Variants in EIF2S1 observed in about 807,000 individuals in gnomAD.
EIF2S1 encodes eukaryotic translation initiation factor 2 subunit 1.
Under a neutral mutation model 33.5 loss-of-function variants are expected in EIF2S1, and 5 were observed. The observed-to-expected ratio is 0.15, with a 90% CI of 0.08 to 0.31. The LOEUF is 0.31. Ranked by LOEUF, EIF2S1 falls within the 10% of genes least tolerant of loss-of-function variation. The pLI is 1.00. For synonymous variants in EIF2S1, 99 were observed against 127.5 expected, an observed-to-expected ratio of 0.78 and a Z score of 1.51; for missense variants, 191 against 384.6, an observed-to-expected ratio of 0.50 and a Z score of 4.21.
intron 4 of EIF2S1, 125 bp downstream of exon 4, chr14:67,376,715 G>T: frequency 1.0e-6 from 1 of 965,098 alleles, no homozygotes; most frequent in Non-Finnish European, 1.5e-6. Flanking sequence ...GTATTGGCCA[G>T]TAAATGGGCC....
intron 2 of EIF2S1, among the ~76,000 whole-genome samples, chr14:67,369,937 A>G (rs1291754670): frequency 1.3e-5 from 2 of 152,210 alleles, no homozygotes; most frequent in African/African-American, 2.4e-5. Context: ...GTGGGAAATC[A>G]GGGGTCTCAC....
At chr14:67,377,345 C>T (rs904280660) in intron 4 of EIF2S1, among the ~76,000 whole-genome samples, 2 of 151,228 alleles carry the variant, frequency 1.3e-5, no homozygotes, top group African/African-American at 4.9e-5. Context: ...GGTCTCCAGC[C>T]TCAGCTGTTC....
chr14:67,374,621 C>T (rs1290643813), intron 3 of EIF2S1, 74 bp downstream of exon 3: 26 of 934,086 alleles, frequency 2.8e-5, no homozygotes, highest in East Asian at 2.5e-5. Flanking sequence ...TAATTTCATA[C>T]TGCTACTACC....
intron 2 of EIF2S1, among the ~76,000 whole-genome samples, chr14:67,373,348 GAA>G (rs2085836733): frequency 6.6e-6 from 1 of 152,108 alleles, no homozygotes; most frequent in African/African-American, 2.4e-5. Flanking sequence ...TAATGAAAAA[GAA>G]TGCTCAGAAT....
intron 3 of EIF2S1, 80 bp from the exon 4 acceptor site, chr14:67,376,359 T>A (rs1019903528): frequency 3.0e-6 from 4 of 1,331,152 alleles, no homozygotes; most frequent in Non-Finnish European, 4.1e-6. Context: ...GTAGCCAAAT[T>A]ATGTTATTTA....
chr14:67,381,034 G>A (rs2085885304), intron 5 of EIF2S1, among the ~76,000 whole-genome samples: 1 of 152,108 alleles, frequency 6.6e-6, no homozygotes, highest in African/African-American at 2.4e-5. Flanking sequence ...TTGTTTTAGT[G>A]CATACTTTAA....
At chr14:67,363,590 G>C (rs1199086594) in intron 1 of EIF2S1, among the ~76,000 whole-genome samples, 1 of 152,144 alleles carries the variant, frequency 6.6e-6, no homozygotes, top group Non-Finnish European at 1.5e-5. Context: ...CCTGTTAGCA[G>C]TATGTGAAAG....
At chr14:67,364,718 A>G (rs754878756) in intron 1 of EIF2S1, 49 bp from the exon 2 acceptor site, 1 of 1,489,078 alleles carries the variant, frequency 6.7e-7, no homozygotes. Flanking sequence ...TTTTTTTTTT[A>G]TTTTCACCTT....
chr14:67,360,356 C>T lies in EIF2S1; in HGVS notation c.-102C>T, dbSNP rs1252513730. 10 of 397,240 alleles carry T rather than the reference C, an allele frequency of 2.5e-5. No individual in the cohort carries two copies. Among genetic ancestry groups the T allele is most frequent in the East Asian group, 1.4e-4 (4 of 28,030 alleles). The allele number at this position is 397,240 out of a possible 1,614,324, so 24.6% of individuals were successfully genotyped here. A position where few individuals can be genotyped will look rare whatever the true frequency, so the allele number is the denominator to read the frequency against. ...CGCGGTGGAGTGAGCGAAGCGCACG[C>T]TGAGGAGGATCGGCGGCCGGTGAGG... On this transcript the variant is annotated 5_prime_UTR_variant, in exon 1 of 8. Transcript: ENST00000256383.
At chr14:67,375,469 G>C (rs1595648225) in intron 3 of EIF2S1, among the ~76,000 whole-genome samples, 1 of 150,890 alleles carries the variant, frequency 6.6e-6, no homozygotes, top group East Asian at 1.9e-4. Flanking sequence ...TGTTTTCTTT[G>C]CCCTTCTCTG....
chr14:67,368,514 A>G (rs1848476689), intron 2 of EIF2S1, among the ~76,000 whole-genome samples: 1 of 152,188 alleles, frequency 6.6e-6, no homozygotes, highest in Non-Finnish European at 1.5e-5. Context: ...TATAGTTAAT[A>G]CAGTTGGCTC....
intron 2 of EIF2S1, among the ~76,000 whole-genome samples, chr14:67,368,098 G>A (rs2085792577): frequency 6.6e-6 from 1 of 152,158 alleles, no homozygotes. Context: ...GTGCCATGCA[G>A]GGCCACATGG....
intron 2 of EIF2S1, among the ~76,000 whole-genome samples, chr14:67,366,615 G>A (rs2085780569): frequency 6.6e-6 from 1 of 152,152 alleles, no homozygotes; most frequent in Non-Finnish European, 1.5e-5. Context: ...TGAATATTTT[G>A]ATATGGAAGA....
At chr14:67,365,278 A>G (rs1329993221) in intron 2 of EIF2S1, among the ~76,000 whole-genome samples, 1 of 152,216 alleles carries the variant, frequency 6.6e-6, no homozygotes, top group East Asian at 1.9e-4. Flanking sequence ...TAATTGACTC[A>G]TGGTAACCAA....
chr14:67,374,731 A>G (rs1484883926), intron 3 of EIF2S1, 184 bp downstream of exon 3: 9 of 415,694 alleles, frequency 2.2e-5, no homozygotes, highest in Non-Finnish European at 3.4e-5. Context: ...AACTGCTTTA[A>G]CTTGTTTACA....
chr14:67,383,296 T>A lies in EIF2S1; in HGVS notation c.823-19T>A. On this transcript the variant is annotated intron_variant, in intron 7 of 7. Coordinates refer to ENST00000256383, the MANE Select transcript of EIF2S1 (RefSeq NM_004094.5). ...AGTATTTACTACTTCAGTTTGAAAT[T>A]ATACCTCTGCTTCCACAGCCCAAAG... is the stretch of plus-strand genomic sequence containing the variant. 1 of 1,611,422 alleles carries A rather than the reference T, an allele frequency of 6.2e-7. No homozygotes were observed. Among genetic ancestry groups the A allele is most frequent in the Non-Finnish European group, 8.5e-7 (1 of 1,178,110 alleles).
chr14:67,374,650 T>G, intron 3 of EIF2S1, 103 bp downstream of exon 3: 1 of 715,862 alleles, frequency 1.4e-6, no homozygotes, highest in Non-Finnish European at 2.1e-6. Context: ...TTGCTTATGA[T>G]CTAATATTCT....
intron 2 of EIF2S1, among the ~76,000 whole-genome samples, chr14:67,372,832 AAAAAAC>A (rs2085831932): frequency 1.3e-5 from 2 of 152,134 alleles, no homozygotes; most frequent in East Asian, 3.9e-4. Context: ...ATCTCAAAAA[AAAAAAC>A]AAAAAACAAA....
intron 7 of EIF2S1, 56 bp downstream of exon 7, chr14:67,382,646 C>G: frequency 1.3e-6 from 2 of 1,592,816 alleles, no homozygotes; most frequent in Non-Finnish European, 1.7e-6. Context: ...AAAAGGAGTT[C>G]TTGTAGGTAA....
Sources: allele counts gnomAD v4.1 joint callset (sites outside exome capture counted in the v4.1 genomes callset), GRCh38; gene constraint gnomAD v4.1.1; transcripts MANE v1.5; gene names NCBI Gene and HGNC (gene_info 2026-07-23, HGNC 2026-07-21).